Variants in AUTS2 observed in about 807,000 individuals in gnomAD.
AUTS2 encodes autism susceptibility gene 2 protein.
A neutral mutation model predicts 112.4 loss-of-function variants in AUTS2; 17 were observed. The ratio of observed to expected loss-of-function variants is 0.15; its 90% CI spans 0.10 to 0.23. AUTS2 has a LOEUF of 0.23. Among genes scored for constraint, AUTS2 ranks in the 10% least tolerant of loss-of-function variants. The pLI, the probability that AUTS2 is intolerant of heterozygous loss-of-function variation, is 1.00. For missense variants in AUTS2, 1,510 were observed against 1,701.6 expected, an observed-to-expected ratio of 0.89 and a Z score of 1.98; for synonymous variants, 751 against 702.7, an observed-to-expected ratio of 1.07 and a Z score of -1.09.
intron 5 of AUTS2, among the ~76,000 whole-genome samples, chr7:70,451,920 C>T (rs78548893): frequency 0.014 from 2,065 of 152,184 alleles, 45 homozygotes; most frequent in African/African-American, 0.048. Flanking sequence ...GCAGCCAGGT[C>T]GCCGCTCTGA....
At chr7:69,658,225 A>T (rs1318133165) in intron 1 of AUTS2, among the ~76,000 whole-genome samples, 2 of 152,192 alleles carry the variant, frequency 1.3e-5, no homozygotes, top group Non-Finnish European at 2.9e-5. Context: ...AATAGCCTAA[A>T]ATATTTGCTA....
chr7:70,567,727 T>A (rs1801764352), intron 5 of AUTS2, among the ~76,000 whole-genome samples: 1 of 152,194 alleles, frequency 6.6e-6, no homozygotes, highest in Non-Finnish European at 1.5e-5. Context: ...GCTTGAGGGT[T>A]CATCAACTCA....
chr7:69,762,452 A>T (rs1410161410), intron 1 of AUTS2, among the ~76,000 whole-genome samples: 1 of 151,744 alleles, frequency 6.6e-6, no homozygotes, highest in East Asian at 1.9e-4. Context: ...GACCACAGGT[A>T]TGTGCCACCA....
At chr7:70,573,952 A>G (rs551084517) in intron 5 of AUTS2, among the ~76,000 whole-genome samples, 1 of 152,300 alleles carries the variant, frequency 6.6e-6, no homozygotes, top group East Asian at 1.9e-4. Context: ...GGGGATATGC[A>G]TTGAAGCAGC....
chr7:70,595,157 C>T (rs577979499), intron 5 of AUTS2, among the ~76,000 whole-genome samples: 2 of 152,088 alleles, frequency 1.3e-5, no homozygotes, highest in Non-Finnish European at 2.9e-5. Context: ...CAAGCTGGCA[C>T]TGCAGCAACC....
intron 4 of AUTS2, among the ~76,000 whole-genome samples, chr7:70,153,171 A>G (rs1318215634): frequency 6.6e-6 from 1 of 152,228 alleles, no homozygotes; most frequent in Non-Finnish European, 1.5e-5. Context: ...AATTGGCCAT[A>G]TGTTCATTAT....
chr7:70,553,836 G>A (rs9690719), intron 5 of AUTS2, among the ~76,000 whole-genome samples: 20,184 of 133,772 alleles, frequency 0.15, 1,725 homozygotes, highest in Non-Finnish European at 0.18. Context: ...GTGCGATTTC[G>A]GCTCACTGCA....
chr7:69,739,608 A>G (rs563030127), intron 1 of AUTS2, among the ~76,000 whole-genome samples: 94 of 152,292 alleles, frequency 6.2e-4, no homozygotes, highest in African/African-American at 2.1e-3. Context: ...CTTCTATCCT[A>G]CTGTTTCTTT....
intron 3 of AUTS2, among the ~76,000 whole-genome samples, chr7:70,134,226 C>T (rs1220935886): frequency 6.6e-6 from 1 of 152,134 alleles, no homozygotes; most frequent in Non-Finnish European, 1.5e-5. Flanking sequence ...TGTTTAGTCT[C>T]AGTGCAGGGC....
chr7:70,088,276 A>T (rs568693864), intron 2 of AUTS2, among the ~76,000 whole-genome samples: 2 of 151,746 alleles, frequency 1.3e-5, no homozygotes, highest in Non-Finnish European at 2.9e-5. Flanking sequence ...GGCACCCACC[A>T]CCACGCCTGG....
At chr7:70,414,612 A>G (rs1322026428) in intron 4 of AUTS2, among the ~76,000 whole-genome samples, 1 of 152,184 alleles carries the variant, frequency 6.6e-6, no homozygotes, top group African/African-American at 2.4e-5. Context: ...TGAGACTCTC[A>G]GAGGTGAGAA....
In AUTS2 at chr7:69,599,567, A is replaced by C; in HGVS notation, c.-87A>C. On this transcript the variant is annotated 5_prime_UTR_variant, in exon 1 of 19. Coordinates refer to ENST00000342771, the MANE Select transcript of AUTS2 (RefSeq NM_015570.4). This position sits in a 1 kb window ranked among gnomAD's most constrained non-coding sequence, Gnocchi z 7.0. ...GGGCGGAGGGAAGCCGTGAAGGGGG[A>C]GGGAGGGCTCGGTGTCAATTTTTTT... 1 of 1,157,316 alleles carries C rather than the reference A, an allele frequency of 8.6e-7. No individual in the cohort carries two copies. Among genetic ancestry groups the C allele is most frequent in the Non-Finnish European group, 1.1e-6 (1 of 925,144 alleles). The allele number at this position is 1,157,316 out of a possible 1,614,324, so 71.7% of individuals were successfully genotyped here.
intron 4 of AUTS2, among the ~76,000 whole-genome samples, chr7:70,339,152 C>T (rs1019891376): frequency 2.6e-5 from 4 of 151,998 alleles, no homozygotes; most frequent in African/African-American, 9.7e-5. Context: ...GGTGAGCCAC[C>T]GCGCCCGGCC....
At chr7:70,483,623 T>A (rs1307372722) in intron 5 of AUTS2, among the ~76,000 whole-genome samples, 1 of 152,162 alleles carries the variant, frequency 6.6e-6, no homozygotes, top group African/African-American at 2.4e-5. Flanking sequence ...AAAATGAAGA[T>A]CTAAGGCTAG....
intron 5 of AUTS2, among the ~76,000 whole-genome samples, chr7:70,615,565 C>CTTG (rs57037063): frequency 0.25 from 37,090 of 148,412 alleles, 4,683 homozygotes; most frequent in Middle Eastern, 0.27. Flanking sequence ...AGATTTATGG[C>CTTG]TTGTTGTTGT....
intron 5 of AUTS2, among the ~76,000 whole-genome samples, chr7:70,560,900 A>G (rs1298672232): frequency 6.6e-6 from 1 of 152,232 alleles, no homozygotes; most frequent in East Asian, 1.9e-4. Context: ...ATCAAGTAAA[A>G]GCAGATAGAT....
rs1805278947 is a variant in AUTS2, at chr7:70,631,834, G to A, written c.691-66735G>A. ...CCCGTGTGTGCTAACTTGCTAGGGG[G>A]CAGGGCGCACTCTGCCGCTTTGGCT... On this transcript the variant is annotated intron_variant, in intron 5 of 18. Coordinates refer to ENST00000342771, the MANE Select transcript of AUTS2 (RefSeq NM_015570.4). The surrounding 1 kb of genome is among the most constrained non-coding windows in gnomAD (Gnocchi z 4.5). 6.6e-6 allele frequency among the ~76,000 whole-genome samples: 1 copy of A among 152,022 alleles called. No individual in the cohort carries two copies. The highest frequency in any genetic ancestry group is 6.5e-5 in the Admixed American group (1 of 15,278).
intron 5 of AUTS2, among the ~76,000 whole-genome samples, chr7:70,496,312 G>A (rs1377011809): frequency 5.0e-5 from 4 of 79,996 alleles, no homozygotes; most frequent in Admixed American, 1.5e-4. Flanking sequence ...CACACACCAC[G>A]TACACAGTCA....
chr7:70,717,212 A>AT (rs1810429970), intron 6 of AUTS2, among the ~76,000 whole-genome samples: 1 of 151,878 alleles, frequency 6.6e-6, no homozygotes, highest in Non-Finnish European at 1.5e-5. Flanking sequence ...CACCTGGCTA[A>AT]TTTTTTAATT....
Sources: allele counts gnomAD v4.1 joint callset (sites outside exome capture counted in the v4.1 genomes callset), GRCh38; gene constraint gnomAD v4.1.1; non-coding constraint Gnocchi (gnomAD v3.1); transcripts MANE v1.5; gene names NCBI Gene and HGNC (gene_info 2026-07-23, HGNC 2026-07-21).